Variants in CDC73 observed in about 807,000 individuals in gnomAD.
CDC73 encodes the protein parafibromin.
CDC73 carries 21 observed loss-of-function variants against 83.7 expected under a neutral mutation model. That is an observed-to-expected ratio of 0.25 (90% CI 0.18 to 0.36). The LOEUF (loss-of-function observed/expected upper bound fraction) is 0.36, where lower values mean the gene tolerates loss of function less well. Ranked by LOEUF, CDC73 falls within the 10% of genes least tolerant of loss-of-function variation. The probability of loss-of-function intolerance (pLI) is 1.00; values close to 1 mark genes in which losing one functional copy is unlikely to be tolerated. For missense variants in CDC73, 342 were observed against 653.3 expected (o/e 0.52, Z 5.19); for synonymous variants, 224 against 212.9 (o/e 1.05, Z -0.45).
chr1:193,244,121 A>G (rs1034463292), intron 15 of CDC73, among the ~76,000 whole-genome samples: 1 of 152,360 alleles, frequency 6.6e-6, no homozygotes, highest in East Asian at 1.9e-4. Context: ...TCCCTTGATA[A>G]TAAAGGGATT....
intron 10 of CDC73, among the ~76,000 whole-genome samples, chr1:193,160,806 A>G (rs1676296043): frequency 6.6e-6 from 1 of 151,996 alleles, no homozygotes; most frequent in African/African-American, 2.4e-5. Context: ...GGTTTATATG[A>G]AAAAAACCTA....
chr1:193,141,288 T>G (rs1675902330), intron 6 of CDC73: 1 of 152,430 alleles, frequency 6.6e-6, no homozygotes, highest in African/African-American at 2.4e-5. Context: ...TTTGCCTATT[T>G]GAAAATCAAG....
chr1:193,177,161 C>T (rs1323972967), intron 10 of CDC73, among the ~76,000 whole-genome samples: 2 of 151,692 alleles, frequency 1.3e-5, no homozygotes, highest in African/African-American at 4.8e-5. Flanking sequence ...CATTTTTGCT[C>T]AGCTCTAGAC....
chr1:193,200,330 T>C (rs1223336179), intron 10 of CDC73, among the ~76,000 whole-genome samples: 2 of 152,246 alleles, frequency 1.3e-5, no homozygotes, highest in Non-Finnish European at 1.5e-5. Flanking sequence ...GATGGTATTA[T>C]ATATTACGAT....
chr1:193,218,093 T>C (rs1162672657), intron 13 of CDC73, among the ~76,000 whole-genome samples: 1 of 152,110 alleles, frequency 6.6e-6, no homozygotes, highest in Non-Finnish European at 1.5e-5. Context: ...TAAGTAGAAT[T>C]TCTATACACT....
At chr1:193,234,711 C>T (rs1320728206) in intron 14 of CDC73, among the ~76,000 whole-genome samples, 1 of 152,124 alleles carries the variant, frequency 6.6e-6, no homozygotes, top group African/African-American at 2.4e-5. Flanking sequence ...TATAAGTGAC[C>T]TCTGTCCAGC....
chr1:193,181,650 T>A, intron 10 of CDC73: 1 of 1,230,090 alleles, frequency 8.1e-7, no homozygotes, highest in East Asian at 2.4e-5. Flanking sequence ...AATCATTTTC[T>A]AATTCAGTCA....
At chr1:193,139,063 C>G (rs150021950) in intron 6 of CDC73, among the ~76,000 whole-genome samples, 3 of 152,050 alleles carry the variant, frequency 2.0e-5, no homozygotes, top group African/African-American at 7.2e-5. Flanking sequence ...CGTGAGCCAC[C>G]GCGCCTGGCT....
At chr1:193,142,326 A>G (rs1675920439) in intron 7 of CDC73, among the ~76,000 whole-genome samples, 1 of 152,198 alleles carries the variant, frequency 6.6e-6, no homozygotes, top group African/African-American at 2.4e-5. Flanking sequence ...TTTGCAAATC[A>G]AAGAATGGCC....
intron 13 of CDC73, among the ~76,000 whole-genome samples, chr1:193,218,041 C>G (rs1188484303): frequency 2.0e-5 from 3 of 152,130 alleles, no homozygotes; most frequent in African/African-American, 7.2e-5. Flanking sequence ...CACTGATAAA[C>G]AAGTTTAGTG....
In CDC73 at chr1:193,251,167, T is replaced by C. The variant is rs1678037761; in HGVS notation, c.*455T>C. 1 of 245,192 alleles carries C rather than the reference T, an allele frequency of 4.1e-6. No homozygotes were observed. The highest frequency in any genetic ancestry group is 2.2e-5 in the African/African-American group (1 of 45,386). The allele number at this position is 245,192 out of a possible 1,614,324, so 15.2% of individuals were successfully genotyped here. On this transcript the variant is annotated 3_prime_UTR_variant, in exon 17 of 17. Coordinates refer to ENST00000367435, the MANE Select transcript of CDC73 (RefSeq NM_024529.5). ...AGCAAAGGGATGTGACTATTTTGAA[T>C]GAATCAGAATGTCAACTTGTATGTA...
At chr1:193,208,415 C>T (rs1400161185) in intron 11 of CDC73, among the ~76,000 whole-genome samples, 1 of 152,156 alleles carries the variant, frequency 6.6e-6, no homozygotes, top group Non-Finnish European at 1.5e-5. Context: ...GAGTACATAA[C>T]CATCTTTCTA....
At position 193,161,647 on chromosome 1, in the gene CDC73, A is replaced by T. The variant is rs1256847392; in HGVS notation, c.972+9203A>T. ...TGATAGATATATAATATATTATATA[A>T]TATATAATATATTATATATCTATCA... is the stretch of plus-strand genomic sequence containing the variant. On this transcript the variant is annotated intron_variant, in intron 10 of 16. Coordinates refer to ENST00000367435, the MANE Select transcript of CDC73 (RefSeq NM_024529.5). Among the ~76,000 whole-genome samples, 29 of 79,714 alleles carry T rather than the reference A, an allele frequency of 3.6e-4. 10 individuals carry two copies. The highest frequency in any genetic ancestry group is 1.0e-3 in the Admixed American group (5 of 4,772). 52.3% of individuals were successfully genotyped at this position (79,714 alleles called of 152,430 possible).
chr1:193,233,864 G>A (rs1468067603), intron 14 of CDC73, among the ~76,000 whole-genome samples: 3 of 151,944 alleles, frequency 2.0e-5, no homozygotes, highest in Non-Finnish European at 1.5e-5. Context: ...AATATAAAGT[G>A]CCTATAAATT....
At chr1:193,205,124 TTTTGGTG>T (rs1263360700) in intron 11 of CDC73, among the ~76,000 whole-genome samples, 11 of 152,074 alleles carry the variant, frequency 7.2e-5, no homozygotes, top group Admixed American at 2.0e-4. Flanking sequence ...TTGGGTTTGT[TTTTGGTG>T]TTTGGTGTTT....
At chr1:193,188,954 T>C (rs1676872758) in intron 10 of CDC73, among the ~76,000 whole-genome samples, 1 of 150,664 alleles carries the variant, frequency 6.6e-6, no homozygotes, top group African/African-American at 2.4e-5. Flanking sequence ...TCTGTCTGTC[T>C]GTTTTTTTTT....
chr1:193,243,884 G>A (rs889206265), intron 15 of CDC73, among the ~76,000 whole-genome samples: 1 of 152,004 alleles, frequency 6.6e-6, no homozygotes, highest in Non-Finnish European at 1.5e-5. Flanking sequence ...TGTTTATTAA[G>A]AATTGAATCT....
chr1:193,212,872 A>G (rs1031869290), intron 13 of CDC73, among the ~76,000 whole-genome samples: 1 of 152,166 alleles, frequency 6.6e-6, no homozygotes, highest in African/African-American at 2.4e-5. Context: ...TTTAACCTAG[A>G]TAGCAGTGAA....
At chr1:193,232,314 A>T (rs1677674989) in intron 13 of CDC73, among the ~76,000 whole-genome samples, 1 of 152,126 alleles carries the variant, frequency 6.6e-6, no homozygotes, top group South Asian at 2.1e-4. Context: ...CAACTTTTTC[A>T]TTTCAAATGA....
Sources: gnomAD v4.1 joint callset for allele counts (sites outside exome capture counted in the v4.1 genomes callset) on GRCh38, gnomAD v4.1.1 for gene constraint, MANE v1.5 for transcripts, NCBI Gene and HGNC (gene_info 2026-07-23, HGNC 2026-07-21) for gene names.